PHF6: variants seen among roughly 807,000 people sequenced by gnomAD.
PHF6 encodes PHD finger protein 6, also known as PHD-like zinc finger protein.
In PHF6, 7 loss-of-function variants were observed where a neutral mutation model predicts 34.0. The ratio of observed to expected loss-of-function variants is 0.21; its 90% CI spans 0.12 to 0.39. The LOEUF (loss-of-function observed/expected upper bound fraction) is 0.39. Among genes scored for constraint, PHF6 ranks in the 10% least tolerant of loss-of-function variants. The pLI is 1.00. For synonymous variants in PHF6, 89 were observed against 88.4 expected, an observed-to-expected ratio of 1.01 and a Z score of -0.04; for missense variants, 128 against 262.8, an observed-to-expected ratio of 0.49 and a Z score of 3.55.
intron 3 of PHF6, among the ~76,000 whole-genome samples, chrX:134,391,535 C>A (rs1306020549): frequency 9.0e-6 from 1 of 111,243 alleles, no homozygotes; most frequent in Admixed American, 9.6e-5. Flanking sequence ...ATGTTGAGCT[C>A]AATATAGTAT....
intron 3 of PHF6, among the ~76,000 whole-genome samples, chrX:134,388,782 T>C (rs1292626011): frequency 8.9e-6 from 1 of 112,044 alleles, no homozygotes; most frequent in Admixed American, 9.5e-5. Flanking sequence ...AGACTTCTTT[T>C]TGCAAACTGA....
intron 3 of PHF6, among the ~76,000 whole-genome samples, chrX:134,380,357 A>G (rs2077301692): frequency 9.1e-6 from 1 of 110,139 alleles, no homozygotes; most frequent in Non-Finnish European, 1.9e-5. Flanking sequence ...CTTGGTCTCA[A>G]TCTCCTGACC....
chrX:134,388,360 C>T (rs1418670775), intron 3 of PHF6, among the ~76,000 whole-genome samples: 1 of 111,804 alleles, frequency 8.9e-6, no homozygotes, highest in East Asian at 2.8e-4. Context: ...CTCGTATCTC[C>T]TGTGCAAATA....
chrX:134,386,056 T>C (rs755146333), intron 3 of PHF6, among the ~76,000 whole-genome samples: 12 of 111,647 alleles, frequency 1.1e-4, no homozygotes, highest in Non-Finnish European at 2.3e-4. Flanking sequence ...GAAGGCTCCA[T>C]AGAAAACGAG....
chrX:134,398,714 T>C (rs2077388638), intron 5 of PHF6, among the ~76,000 whole-genome samples: 2 of 111,552 alleles, frequency 1.8e-5, no homozygotes, highest in Admixed American at 1.9e-4. Flanking sequence ...TTCTGGCGTA[T>C]CCAAATGGGT....
intron 5 of PHF6, among the ~76,000 whole-genome samples, chrX:134,408,543 C>T (rs766510208): frequency 1.6e-4 from 17 of 109,436 alleles, no homozygotes; most frequent in Admixed American, 1.5e-3. Flanking sequence ...TTTCCATTAT[C>T]ACTGGTGAGG....
In PHF6 at chrX:134,427,612, T is replaced by C. The variant is rs779159405; in HGVS notation, c.*1952T>C. On this transcript the variant is annotated 3_prime_UTR_variant, in exon 11 of 11. Coordinates refer to ENST00000370803, the MANE Select transcript of PHF6 (RefSeq NM_001015877.2). The stretch of plus-strand genomic sequence containing the variant: ...TTTGTTATGTAGTAAAATGTATGAC[T>C]TTGTATGGGTTTCTTCAGCCCTTTT... 1.3e-5 allele frequency: 2 copies of C among 159,218 alleles called. No individual in the cohort carries two copies. Among genetic ancestry groups the C allele is most frequent in the Middle Eastern group, 2.2e-3 (1 of 459 alleles). The allele number at this position is 159,218 out of a possible 1,213,427, so 13.1% of individuals were successfully genotyped here.
intron 3 of PHF6, among the ~76,000 whole-genome samples, chrX:134,380,886 T>C (rs2077304289): frequency 8.9e-6 from 1 of 112,170 alleles, no homozygotes; most frequent in African/African-American, 3.2e-5. Context: ...AGTCTTGCTC[T>C]GTTGCCCAGG....
chrX:134,379,748 G>A (rs1281639305), intron 3 of PHF6, among the ~76,000 whole-genome samples: 1 of 110,863 alleles, frequency 9.0e-6, no homozygotes, highest in Non-Finnish European at 1.9e-5. Context: ...AGCCTAGAAA[G>A]CCCTGTTTTT....
chrX:134,392,138 G>A (rs755839425), intron 3 of PHF6, among the ~76,000 whole-genome samples: 1 of 111,943 alleles, frequency 8.9e-6, no homozygotes, highest in East Asian at 2.8e-4. Context: ...TTAGAGAAAT[G>A]TAAGAAATTT....
chrX:134,407,177 G>A (rs1356647790), intron 5 of PHF6, among the ~76,000 whole-genome samples: 1 of 112,213 alleles, frequency 8.9e-6, no homozygotes, highest in Non-Finnish European at 1.9e-5. Flanking sequence ...GGTGGTGGGT[G>A]GAGGGGGTGT....
At chrX:134,414,255 A>G (rs1384659306) in intron 7 of PHF6, among the ~76,000 whole-genome samples, 1 of 111,703 alleles carries the variant, frequency 9.0e-6, no homozygotes, top group African/African-American at 3.2e-5. Flanking sequence ...ATTATTTCAT[A>G]ACTATAAAAA....
chrX:134,382,497 C>T (rs777139592), intron 3 of PHF6, among the ~76,000 whole-genome samples: 83 of 109,343 alleles, frequency 7.6e-4, no homozygotes, highest in African/African-American at 2.0e-3. Flanking sequence ...AAGAATTTAC[C>T]GTTTCTGGAT....
chrX:134,384,641 C>G (rs749848597), intron 3 of PHF6, among the ~76,000 whole-genome samples: 53 of 42,507 alleles, frequency 1.2e-3, no homozygotes, highest in African/African-American at 2.9e-3. Flanking sequence ...TTTCTTCTTT[C>G]TTTCTTTCTT....
chrX:134,377,976 C>G, intron 2 of PHF6, 29 bp from the exon 3 acceptor site: 2 of 1,075,883 alleles, frequency 1.9e-6, no homozygotes, highest in Non-Finnish European at 2.5e-6. Flanking sequence ...TATATATGAA[C>G]CTTAATTTTT....
chrX:134,409,820 C>T (rs1048525664), intron 5 of PHF6, among the ~76,000 whole-genome samples: 3 of 110,536 alleles, frequency 2.7e-5, no homozygotes, highest in African/African-American at 9.9e-5. Context: ...TCTCTCCTCC[C>T]TCTAGTAGTC....
At chrX:134,384,720 C>T (rs965164397) in intron 3 of PHF6, among the ~76,000 whole-genome samples, 1 of 109,085 alleles carries the variant, frequency 9.2e-6, no homozygotes, top group Admixed American at 9.8e-5. Context: ...GGCACGATCT[C>T]GGCTCACTTC....
At chrX:134,374,672 T>G (rs2077271057) in intron 1 of PHF6, among the ~76,000 whole-genome samples, 1 of 112,746 alleles carries the variant, frequency 8.9e-6, no homozygotes, top group African/African-American at 3.2e-5. Flanking sequence ...GGTTCTTGAA[T>G]GCTCTCTCTG....
chrX:134,393,154 GTTAC>G (rs1380977016), intron 3 of PHF6, among the ~76,000 whole-genome samples: 1 of 111,509 alleles, frequency 9.0e-6, no homozygotes, highest in Non-Finnish European at 1.9e-5. Flanking sequence ...ATTTTCTCCA[GTTAC>G]TTGTACCTAG....
Sources: gnomAD v4.1 joint callset for allele counts (sites outside exome capture counted in the v4.1 genomes callset) on GRCh38, gnomAD v4.1.1 for gene constraint, MANE v1.5 for transcripts, NCBI Gene and HGNC (gene_info 2026-07-23, HGNC 2026-07-21) for gene names.